PAM: variants seen among roughly 807,000 people sequenced by gnomAD.
The protein encoded by PAM is peptidylglycine alpha-amidating monooxygenase, also known as peptidyl-glycine alpha-amidating monooxygenase.
PAM carries 72 observed loss-of-function variants against 122.1 expected under a neutral mutation model. The ratio of observed to expected loss-of-function variants is 0.59; its 90% CI spans 0.49 to 0.72. The LOEUF (loss-of-function observed/expected upper bound fraction) is 0.72, where lower values mean the gene tolerates loss of function less well. Ranked by LOEUF, PAM falls within the 30% of genes least tolerant of loss-of-function variation. The probability of loss-of-function intolerance (pLI) is 0.00; values close to 1 mark genes in which losing one functional copy is unlikely to be tolerated. For missense variants in PAM, 1,106 were observed against 1,183.7 expected, an observed-to-expected ratio of 0.93 and a Z score of 0.96; for synonymous variants, 389 against 404.4, an observed-to-expected ratio of 0.96 and a Z score of 0.46.
intron 12 of PAM, among the ~76,000 whole-genome samples, chr5:102,956,409 C>G (rs772324512): frequency 6.6e-6 from 1 of 152,040 alleles, no homozygotes; most frequent in Non-Finnish European, 1.5e-5. Flanking sequence ...AAATAACCTG[C>G]GACCTTAGCT....
chr5:102,813,198 T>G (rs1725352834), intron 1 of PAM, among the ~76,000 whole-genome samples: 1 of 152,184 alleles, frequency 6.6e-6, no homozygotes, highest in South Asian at 2.1e-4. Flanking sequence ...AAATTATCTT[T>G]AAAGTTTACC....
At chr5:102,997,416 G>A (rs1360646891) in intron 16 of PAM, among the ~76,000 whole-genome samples, 1 of 151,986 alleles carries the variant, frequency 6.6e-6, no homozygotes, top group East Asian at 1.9e-4. Flanking sequence ...ACACTCATGA[G>A]GCTGAGATGG....
chr5:103,009,633 G>T (rs1780035755), intron 20 of PAM, 118 bp from the exon 21 acceptor site: 4 of 613,110 alleles, frequency 6.5e-6, no homozygotes, highest in African/African-American at 3.8e-5. Flanking sequence ...TACTTTTGTT[G>T]CCAATTGTAG....
chr5:102,775,819 A>G (rs1366188430), intron 1 of PAM, among the ~76,000 whole-genome samples: 1 of 152,208 alleles, frequency 6.6e-6, no homozygotes. Context: ...ATGTATCTTT[A>G]TAATAGAATG....
intron 3 of PAM, among the ~76,000 whole-genome samples, chr5:102,881,609 C>A (rs1348640283): frequency 6.6e-6 from 1 of 151,442 alleles, no homozygotes; most frequent in Non-Finnish European, 1.5e-5. Context: ...AGAACTACAT[C>A]TTTTGCCCTA....
At chr5:102,934,248 A>C (rs1475788785) in intron 7 of PAM, among the ~76,000 whole-genome samples, 1 of 152,188 alleles carries the variant, frequency 6.6e-6, no homozygotes, top group Non-Finnish European at 1.5e-5. Flanking sequence ...CATAAATAGC[A>C]CCATCTAAGC....
intron 1 of PAM, among the ~76,000 whole-genome samples, chr5:102,826,643 A>G (rs189041542): frequency 3.5e-4 from 53 of 152,290 alleles, no homozygotes; most frequent in Middle Eastern, 6.8e-3. Context: ...TCCTTGGGTA[A>G]TGGGATTAGC....
At chr5:102,896,905 C>G (rs1217615132) in intron 3 of PAM, among the ~76,000 whole-genome samples, 1 of 151,518 alleles carries the variant, frequency 6.6e-6, no homozygotes, top group Admixed American at 6.6e-5. Context: ...TTCTTTTGCT[C>G]TAGCTTCCTT....
At chr5:102,808,003 C>G (rs567303456) in intron 1 of PAM, 1 of 152,302 alleles carries the variant, frequency 6.6e-6, no homozygotes, top group East Asian at 1.9e-4. Flanking sequence ...AAATCCAAGC[C>G]TGGTAGCTGG....
chr5:102,814,733 C>T (rs957567849), intron 1 of PAM, among the ~76,000 whole-genome samples: 1 of 151,738 alleles, frequency 6.6e-6, no homozygotes, highest in Non-Finnish European at 1.5e-5. Context: ...TATTTGCATT[C>T]AGTGAAAGAG....
chr5:102,949,178 G>A (rs1470917536), intron 9 of PAM, among the ~76,000 whole-genome samples: 2 of 152,000 alleles, frequency 1.3e-5, no homozygotes, highest in East Asian at 3.9e-4. Context: ...TTAGGTGTCT[G>A]CATTCAATTT....
intron 14 of PAM, among the ~76,000 whole-genome samples, chr5:102,969,441 G>T (rs1765154279): frequency 1.3e-5 from 2 of 152,082 alleles, no homozygotes; most frequent in Non-Finnish European, 2.9e-5. Flanking sequence ...TACCATCCTA[G>T]ACAGATTTTG....
chr5:102,939,355 C>T (rs1039889967), intron 7 of PAM, among the ~76,000 whole-genome samples: 3 of 152,108 alleles, frequency 2.0e-5, no homozygotes, highest in Non-Finnish European at 2.9e-5. Context: ...TCCTCCCCCA[C>T]ACTTTTCGAG....
chr5:103,024,440 A>C (rs1784403290), intron 23 of PAM, among the ~76,000 whole-genome samples: 1 of 152,158 alleles, frequency 6.6e-6, no homozygotes, highest in African/African-American at 2.4e-5. Flanking sequence ...TATACAGTTC[A>C]TCTGTCTGTA....
Position 102,961,653 on chromosome 5 carries a change from T to G in PAM, c.1162+424T>G, listed in dbSNP as rs138165008. Among the ~76,000 whole-genome samples, 1,012 of 152,058 alleles carry G rather than the reference T, an allele frequency of 6.7e-3. 8 individuals are homozygous for G. The highest frequency in any genetic ancestry group is 0.012 in the Non-Finnish European group (842 of 67,828). On this transcript the variant is annotated intron_variant, in intron 14 of 25. Coordinates refer to ENST00000438793, the MANE Select transcript of PAM (RefSeq NM_001177306.2). ...GAAATTAAGAATTAAATCCACATCT[T>G]ACCTCTATAAGTCATTCTTCTCTGC...
intron 16 of PAM, among the ~76,000 whole-genome samples, chr5:102,998,038 A>G (rs1424711756): frequency 6.6e-6 from 1 of 152,226 alleles, no homozygotes; most frequent in South Asian, 2.1e-4. Context: ...AATTTAACCT[A>G]TAGTTTACAC....
At chr5:102,818,374 T>G (rs1332031271) in intron 1 of PAM, among the ~76,000 whole-genome samples, 1 of 151,892 alleles carries the variant, frequency 6.6e-6, no homozygotes, top group African/African-American at 2.4e-5. Flanking sequence ...AATTGTGAGA[T>G]GTGGCCTCTA....
intron 14 of PAM, among the ~76,000 whole-genome samples, chr5:102,970,207 C>T (rs1765394081): frequency 6.6e-6 from 1 of 151,926 alleles, no homozygotes; most frequent in African/African-American, 2.4e-5. Flanking sequence ...AGCAAGTAGC[C>T]CTGCACCATC....
intron 1 of PAM, among the ~76,000 whole-genome samples, chr5:102,787,230 T>C (rs1201363537): frequency 6.6e-6 from 1 of 152,102 alleles, no homozygotes; most frequent in African/African-American, 2.4e-5. Flanking sequence ...AGAAGAAGAA[T>C]AGATGTAGTT....
Sources: gnomAD v4.1 joint callset for allele counts (sites outside exome capture counted in the v4.1 genomes callset) on GRCh38, gnomAD v4.1.1 for gene constraint, MANE v1.5 for transcripts, NCBI Gene and HGNC (gene_info 2026-07-23, HGNC 2026-07-21) for gene names.